PIGB: variants seen among roughly 807,000 people sequenced by gnomAD.
The protein encoded by PIGB is GPI alpha-1,2-mannosyltransferase 3.
Under a neutral mutation model 68.4 loss-of-function variants are expected in PIGB, and 58 were observed. The observed-to-expected ratio is 0.85, with a 90% confidence interval of 0.69 to 1.06. The LOEUF (loss-of-function observed/expected upper bound fraction) is 1.06, where lower values mean the gene tolerates loss of function less well. PIGB is among the 50% of genes least tolerant of loss of function. The pLI, the probability that PIGB is intolerant of heterozygous loss-of-function variation, is 0.00. For missense variants in PIGB, 634 were observed against 655.8 expected (o/e 0.97, Z 0.36); for synonymous variants, 219 against 220.5 (o/e 0.99, Z 0.06).
At chr15:55,353,604 A>C (rs1292555658) in intron 10 of PIGB, among the ~76,000 whole-genome samples, 2 of 151,992 alleles carry the variant, frequency 1.3e-5, no homozygotes, top group Non-Finnish European at 2.9e-5. Flanking sequence ...TTTATACTCT[A>C]ATCTTTTTTT....
At chr15:55,345,701 T>C (rs1170436120) in intron 9 of PIGB, among the ~76,000 whole-genome samples, 4 of 151,994 alleles carry the variant, frequency 2.6e-5, no homozygotes, top group Non-Finnish European at 5.9e-5. Context: ...GGAGGTTGCA[T>C]TGAGCCGAGA....
At chr15:55,322,857 T>C (rs1053737409) in intron 3 of PIGB, among the ~76,000 whole-genome samples, 1 of 152,196 alleles carries the variant, frequency 6.6e-6, no homozygotes, top group African/African-American at 2.4e-5. Context: ...TTATAGATTA[T>C]GCAAGGTATC....
chr15:55,331,809 G>T (rs570422972), intron 5 of PIGB, among the ~76,000 whole-genome samples: 3 of 151,998 alleles, frequency 2.0e-5, no homozygotes, highest in African/African-American at 7.2e-5. Flanking sequence ...CTCTTAAAGC[G>T]TTGGGATTAC....
At chr15:55,348,885 A>G (rs1411545231) in intron 9 of PIGB, among the ~76,000 whole-genome samples, 1 of 152,218 alleles carries the variant, frequency 6.6e-6, no homozygotes, top group Non-Finnish European at 1.5e-5. Flanking sequence ...GCTTCAACTT[A>G]TATTTGGGGA....
At chr15:55,348,841 A>G (rs2055861871) in intron 9 of PIGB, among the ~76,000 whole-genome samples, 1 of 152,230 alleles carries the variant, frequency 6.6e-6, no homozygotes, top group African/African-American at 2.4e-5. Flanking sequence ...CTACTAAAAT[A>G]GATGTTGTTT....
chr15:55,355,589 G>T lies in PIGB; in HGVS notation c.*157G>T. 1.9e-6 allele frequency: 1 copy of T among 515,352 alleles called. No homozygotes were observed. Among genetic ancestry groups the T allele is most frequent in the Non-Finnish European group, 3.3e-6 (1 of 298,694 alleles). 31.9% of individuals were successfully genotyped at this position (515,352 alleles called of 1,614,324 possible). On this transcript the variant is annotated 3_prime_UTR_variant, in exon 12 of 12. Coordinates refer to ENST00000164305, the MANE Select transcript of PIGB (RefSeq NM_004855.5). ...GAGGAAATGTATAAAATACCACATA[G>T]TATAAAATTACATGTTAATACAATG... is the stretch of plus-strand genomic sequence containing the variant.
chr15:55,329,699 A>T lies in PIGB; in HGVS notation c.523-25A>T, dbSNP rs776749148. The T allele has an allele frequency of 1.9e-6, 3 of 1,583,176 alleles. No individual in the cohort carries two copies. The South Asian group carries it at 3.4e-5, about 18-fold the overall frequency. On this transcript the variant is annotated intron_variant, in intron 4 of 11. Coordinates refer to ENST00000164305, the MANE Select transcript of PIGB (RefSeq NM_004855.5). ...AGGTTTTCCATTTCCAATTTCATAT[A>T]TGTTTGCTCTGTACTTTTTCTTAGT...
At chr15:55,329,995 C>A in intron 5 of PIGB, 141 bp downstream of exon 5, 1 of 572,324 alleles carries the variant, frequency 1.7e-6, no homozygotes, top group Non-Finnish European at 3.1e-6. Flanking sequence ...TATATTATAG[C>A]AGAAAACAGA....
At chr15:55,337,028 T>G (rs988199447) in intron 6 of PIGB, among the ~76,000 whole-genome samples, 2 of 152,074 alleles carry the variant, frequency 1.3e-5, no homozygotes, top group African/African-American at 4.8e-5. Flanking sequence ...TATAAAACTT[T>G]TAAAAATCTA....
At chr15:55,328,980 T>C (rs978356574) in intron 4 of PIGB, among the ~76,000 whole-genome samples, 2 of 152,166 alleles carry the variant, frequency 1.3e-5, no homozygotes, top group African/African-American at 4.8e-5. Context: ...GATACAGCAC[T>C]AGGTTCTTCT....
chr15:55,339,171 G>C, intron 6 of PIGB, 96 bp from the exon 7 acceptor site: 1 of 786,670 alleles, frequency 1.3e-6, no homozygotes, highest in South Asian at 1.6e-5. Context: ...CATTTTTATA[G>C]TGGCTTTTGA....
intron 5 of PIGB, among the ~76,000 whole-genome samples, chr15:55,330,921 G>A (rs2055399340): frequency 6.6e-6 from 1 of 152,142 alleles, no homozygotes. Flanking sequence ...TTATTTTAAG[G>A]CTAAAAGGGA....
chr15:55,327,005 T>C (rs1228279784), intron 3 of PIGB, among the ~76,000 whole-genome samples: 2 of 151,952 alleles, frequency 1.3e-5, no homozygotes, highest in Non-Finnish European at 2.9e-5. Flanking sequence ...GCAGTGCATG[T>C]CTGAAGTCCT....
At position 55,355,543 on chromosome 15, in the gene PIGB, G is replaced by A. The variant is rs1295997741; in HGVS notation, c.*111G>A. On this transcript the variant is annotated 3_prime_UTR_variant, in exon 12 of 12. Coordinates refer to ENST00000164305, the MANE Select transcript of PIGB (RefSeq NM_004855.5). ...AACTTAGAAAAAAGCTGTATGAACT[G>A]CTTTACCAAATATCACTACTGAGGA... 1.4e-5 allele frequency: 11 copies of A among 806,162 alleles called. No homozygotes were observed. The highest frequency in any genetic ancestry group is 5.2e-5 in the African/African-American group (3 of 57,616). The allele number at this position is 806,162 out of a possible 1,614,324, so 49.9% of individuals were successfully genotyped here. A position where few individuals can be genotyped will look rare whatever the true frequency, so the allele number is the denominator to read the frequency against.
intron 6 of PIGB, among the ~76,000 whole-genome samples, chr15:55,337,701 C>A (rs28680176): frequency 6.6e-6 from 1 of 151,890 alleles, no homozygotes; most frequent in Non-Finnish European, 1.5e-5. Context: ...CAGAAATGCA[C>A]ATATATGGAT....
chr15:55,325,753 AAAAAT>A (rs2141168894), intron 3 of PIGB, among the ~76,000 whole-genome samples: 1 of 152,066 alleles, frequency 6.6e-6, no homozygotes, highest in South Asian at 2.1e-4. Context: ...CGTCTCTACT[AAAAAT>A]ACAAAAAATT....
intron 10 of PIGB, among the ~76,000 whole-genome samples, chr15:55,352,368 G>C (rs945706604): frequency 6.6e-6 from 1 of 152,152 alleles, no homozygotes; most frequent in African/African-American, 2.4e-5. Flanking sequence ...TACTAAAATT[G>C]CCTCAACTAT....
Position 55,340,695 on chromosome 15 carries a change from G to GT in PIGB, c.931dup (p.Tyr311LeufsTer43). 1 of 1,612,426 alleles carries GT rather than the reference G, an allele frequency of 6.2e-7. No individual in the cohort carries two copies. The highest frequency in any genetic ancestry group is 8.5e-7 in the Non-Finnish European group (1 of 1,179,102). On this transcript the variant is annotated frameshift_variant, in exon 8 of 12. Coordinates refer to ENST00000164305, the MANE Select transcript of PIGB (RefSeq NM_004855.5). LOFTEE classifies it high-confidence loss of function. ...TTTATGGTTCTCATCCATGGCACTGGTACTTCAGTCAAGGATTTCCAGTTA... is the reference window on the plus strand; with the variant it reads ...TTTATGGTTCTCATCCATGGCACTGGTTACTTCAGTCAAGGATTTCCAGTTA...
In PIGB at chr15:55,355,551, A is replaced by C; in HGVS notation, c.*119A>C. On this transcript the variant is annotated 3_prime_UTR_variant, in exon 12 of 12. Transcript: ENST00000164305. The stretch of plus-strand genomic sequence containing the variant: ...AAAAAGCTGTATGAACTGCTTTACC[A>C]AATATCACTACTGAGGAAATGTATA... 1 of 719,742 alleles carries C rather than the reference A, an allele frequency of 1.4e-6. No individual in the cohort carries two copies. Among genetic ancestry groups the C allele is most frequent in the Non-Finnish European group, 2.3e-6 (1 of 434,618 alleles). The allele number at this position is 719,742 out of a possible 1,614,324, so 44.6% of individuals were successfully genotyped here.
Sources: allele counts gnomAD v4.1 joint callset (sites outside exome capture counted in the v4.1 genomes callset), GRCh38; gene constraint gnomAD v4.1.1; transcripts MANE v1.5; gene names NCBI Gene and HGNC (gene_info 2026-07-23, HGNC 2026-07-21).